Variants in TENM2 observed in about 807,000 individuals in gnomAD.
The protein encoded by TENM2 is teneurin-2.
A neutral mutation model predicts 245.2 loss-of-function variants in TENM2; 52 were observed. The observed-to-expected ratio is 0.21, with a 90% confidence interval of 0.17 to 0.27. The LOEUF is 0.27. Among genes scored for constraint, TENM2 ranks in the 10% least tolerant of loss-of-function variants. TENM2 has a pLI of 1.00. For synonymous variants in TENM2, 1,363 were observed against 1,438.9 expected, an observed-to-expected ratio of 0.95 and a Z score of 1.19; for missense variants, 3,046 against 3,666.8, an observed-to-expected ratio of 0.83 and a Z score of 4.37.
In TENM2 at chr5:167,672,216, T is replaced by G. The variant is rs114936194; in HGVS notation, c.503-203770T>G. Among the ~76,000 whole-genome samples the G allele has an allele frequency of 7.5e-3, 1,146 of 152,086 alleles. 12 individuals are homozygous for G. Among genetic ancestry groups the G allele is most frequent in the African/African-American group, 0.024 (1,006 of 41,492 alleles). On this transcript the variant is annotated intron_variant, in intron 2 of 28. Transcript: ENST00000518659. ...AATAACAAAAGACAATTTTATAAAA[T>G]AACACACTGACAGAGTATCATAAAT... is the stretch of plus-strand genomic sequence containing the variant.
At chr5:167,654,864 C>G (rs560150713) in intron 2 of TENM2, among the ~76,000 whole-genome samples, 1 of 152,166 alleles carries the variant, frequency 6.6e-6, no homozygotes, top group Non-Finnish European at 1.5e-5. Flanking sequence ...ATCTAGTGAG[C>G]TATCCTGTCA....
At chr5:167,118,299 C>T in the TENM2 span, among the ~76,000 whole-genome samples, 1 of 152,206 alleles carries the variant, frequency 6.6e-6, no homozygotes, top group Non-Finnish European at 1.5e-5. Context: ...AACAATCTTT[C>T]TCTTAGAGAC....
chr5:167,043,508 G>A, the TENM2 span, among the ~76,000 whole-genome samples: 1 of 152,088 alleles, frequency 6.6e-6, no homozygotes, highest in Non-Finnish European at 1.5e-5. Flanking sequence ...AAAATTGGGT[G>A]TGCAGATACC....
At chr5:168,069,086 A>T (rs1450736197) in intron 7 of TENM2, among the ~76,000 whole-genome samples, 3 of 152,126 alleles carry the variant, frequency 2.0e-5, no homozygotes, top group African/African-American at 7.2e-5. Context: ...AATCACCATT[A>T]TGGGACATAT....
At chr5:166,994,738 T>C in the TENM2 span, among the ~76,000 whole-genome samples, 1 of 152,204 alleles carries the variant, frequency 6.6e-6, no homozygotes, top group African/African-American at 2.4e-5. Context: ...TTAGAGAGTG[T>C]AATTCACAAT....
the TENM2 span, among the ~76,000 whole-genome samples, chr5:167,266,326 G>A: frequency 1.3e-5 from 2 of 152,248 alleles, no homozygotes; most frequent in Non-Finnish European, 2.9e-5. Flanking sequence ...ATTTTACCTT[G>A]ATTAAGAGTT....
At chr5:167,304,566 G>A (rs895000210) in intron 1 of TENM2, among the ~76,000 whole-genome samples, 25 of 152,208 alleles carry the variant, frequency 1.6e-4, no homozygotes, top group African/African-American at 4.1e-4. Context: ...AGTTACAGAC[G>A]TGATTTGGTA....
At chr5:167,060,650 C>CAAAAAA in the TENM2 span, among the ~76,000 whole-genome samples, 1 of 101,756 alleles carries the variant, frequency 9.8e-6, no homozygotes, top group South Asian at 3.6e-4. Context: ...GACCTTCTCT[C>CAAAAAA]AAAAAAAAAA....
intron 2 of TENM2, among the ~76,000 whole-genome samples, chr5:167,460,529 C>T (rs929278457): frequency 6.6e-6 from 1 of 152,090 alleles, no homozygotes; most frequent in Non-Finnish European, 1.5e-5. Flanking sequence ...CTCTCTCTAA[C>T]TCTCCATAGT....
the TENM2 span, among the ~76,000 whole-genome samples, chr5:167,145,495 C>T: frequency 2.0e-5 from 3 of 152,168 alleles, no homozygotes; most frequent in African/African-American, 7.2e-5. Flanking sequence ...CAGAACATAC[C>T]ACACATCTGA....
the TENM2 span, among the ~76,000 whole-genome samples, chr5:167,118,508 T>C: frequency 2.0e-5 from 3 of 152,238 alleles, no homozygotes; most frequent in African/African-American, 7.2e-5. Context: ...AGAACCCTTT[T>C]GGAAAGCTCA....
chr5:167,502,233 G>A (rs1032651765), intron 2 of TENM2, among the ~76,000 whole-genome samples: 41 of 152,224 alleles, frequency 2.7e-4, no homozygotes, highest in African/African-American at 9.6e-4. Context: ...TGAGCTGAGT[G>A]CATGGGCAGC....
At chr5:167,110,372 G>A in the TENM2 span, among the ~76,000 whole-genome samples, 1 of 152,266 alleles carries the variant, frequency 6.6e-6, no homozygotes, top group Non-Finnish European at 1.5e-5. Context: ...GAGATAAAAA[G>A]GACAAAGAAG....
At chr5:167,043,777 C>T in the TENM2 span, among the ~76,000 whole-genome samples, 221 of 152,164 alleles carry the variant, frequency 1.5e-3, 2 homozygotes, top group East Asian at 0.018. Flanking sequence ...TTTGGGAGGC[C>T]GAGGCGTGAT....
intron 4 of TENM2, among the ~76,000 whole-genome samples, chr5:167,991,453 C>T (rs1410764395): frequency 6.6e-6 from 1 of 152,206 alleles, no homozygotes; most frequent in African/African-American, 2.4e-5. Flanking sequence ...TCCCACTACA[C>T]ATTTCCTGGA....
intron 2 of TENM2, among the ~76,000 whole-genome samples, chr5:167,714,797 C>T (rs981583999): frequency 2.6e-5 from 4 of 152,150 alleles, no homozygotes; most frequent in African/African-American, 9.7e-5. Flanking sequence ...TGTGCCAAAA[C>T]TCATTACCAC....
the TENM2 span, among the ~76,000 whole-genome samples, chr5:167,133,001 G>T: frequency 2.0e-5 from 3 of 152,176 alleles, no homozygotes; most frequent in African/African-American, 7.2e-5. Context: ...GGCAATGTTA[G>T]CAGATTGAAA....
intron 2 of TENM2, among the ~76,000 whole-genome samples, chr5:167,388,003 G>C (rs185905598): frequency 2.0e-5 from 3 of 152,144 alleles, no homozygotes; most frequent in African/African-American, 7.2e-5. Flanking sequence ...TCCTTTCCTG[G>C]TTTTGATATT....
intron 1 of TENM2, among the ~76,000 whole-genome samples, chr5:167,351,418 T>A (rs920670746): frequency 2.0e-5 from 3 of 152,154 alleles, no homozygotes; most frequent in African/African-American, 7.2e-5. Context: ...CTCTTGTTTT[T>A]AAATGACACA....
Sources: gnomAD v4.1 joint callset for allele counts (sites outside exome capture counted in the v4.1 genomes callset) on GRCh38, gnomAD v4.1.1 for gene constraint, MANE v1.5 for transcripts, NCBI Gene and HGNC (gene_info 2026-07-23, HGNC 2026-07-21) for gene names.